Variants in ZFHX3 observed in about 807,000 individuals in gnomAD.
ZFHX3 encodes zinc finger homeobox protein 3.
ZFHX3 carries 42 observed loss-of-function variants against 279.1 expected under a neutral mutation model. That is an observed-to-expected ratio of 0.15 (90% confidence interval 0.12 to 0.19). The LOEUF is 0.19. Among genes scored for constraint, ZFHX3 ranks in the 10% least tolerant of loss-of-function variants. The pLI, the probability that ZFHX3 is intolerant of heterozygous loss-of-function variation, is 1.00. For synonymous variants in ZFHX3, 2,293 were observed against 1,957.8 expected, an observed-to-expected ratio of 1.17 and a Z score of -4.52; for missense variants, 4,981 against 4,754.0, an observed-to-expected ratio of 1.05 and a Z score of -1.40.
At chr16:72,815,272 G>C (rs2036573262) in intron 5 of ZFHX3, among the ~76,000 whole-genome samples, 1 of 152,116 alleles carries the variant, frequency 6.6e-6, no homozygotes, top group Admixed American at 6.5e-5. Context: ...GCCAGGCGTG[G>C]TGGCAAGTGC....
At chr16:72,822,073 T>C (rs147510017) in intron 5 of ZFHX3, 6 of 152,336 alleles carry the variant, frequency 3.9e-5, no homozygotes, top group South Asian at 2.1e-4. Flanking sequence ...TATTAACCCA[T>C]GGATTTAATG....
chr16:73,798,552 G>A (rs1900924472), intron 1 of ZFHX3, among the ~76,000 whole-genome samples: 1 of 150,286 alleles, frequency 6.7e-6, no homozygotes, highest in African/African-American at 2.5e-5. Flanking sequence ...CAAAGCTTCA[G>A]TGCAATCTAC....
chr16:73,075,887 C>T (rs1470136059), intron 8 of ZFHX3, among the ~76,000 whole-genome samples: 1 of 152,124 alleles, frequency 6.6e-6, no homozygotes. Flanking sequence ...GCCTCAGCCT[C>T]CCAAAGTGCT....
At chr16:73,790,976 T>C (rs915037798) in intron 1 of ZFHX3, among the ~76,000 whole-genome samples, 2 of 152,260 alleles carry the variant, frequency 1.3e-5, no homozygotes, top group South Asian at 2.1e-4. Flanking sequence ...TTTTTTGTTG[T>C]ATTTTAGAGA....
At chr16:73,787,393 C>T (rs939392668) in intron 1 of ZFHX3, among the ~76,000 whole-genome samples, 4 of 152,292 alleles carry the variant, frequency 2.6e-5, no homozygotes, top group Non-Finnish European at 2.9e-5. Context: ...CCTCAGCAAG[C>T]GGCCCCATGC....
chr16:72,930,225 T>C (rs1401996879), intron 3 of ZFHX3, among the ~76,000 whole-genome samples: 1 of 150,706 alleles, frequency 6.6e-6, no homozygotes, highest in Non-Finnish European at 1.5e-5. Flanking sequence ...TCTCAATAGA[T>C]AAATAAATAA....
intron 2 of ZFHX3, among the ~76,000 whole-genome samples, chr16:73,560,072 G>A (rs1457393830): frequency 6.6e-6 from 1 of 152,182 alleles, no homozygotes; most frequent in South Asian, 2.1e-4. Context: ...AAAAACCCCA[G>A]TGCCTGATGA....
At chr16:72,974,855 C>T (rs1233355592) in intron 1 of ZFHX3, among the ~76,000 whole-genome samples, 1 of 152,158 alleles carries the variant, frequency 6.6e-6, no homozygotes, top group Non-Finnish European at 1.5e-5. Flanking sequence ...AAGCTTCCAC[C>T]CAACTTCCTA....
intron 1 of ZFHX3, among the ~76,000 whole-genome samples, chr16:73,025,042 T>C (rs1195167756): frequency 6.6e-6 from 1 of 152,168 alleles, no homozygotes; most frequent in African/African-American, 2.4e-5. Context: ...GTATCCATTA[T>C]AAGGATCTAA....
At position 72,793,370 on chromosome 16, in the gene ZFHX3, G is replaced by A. The variant is rs780832168; in HGVS notation, c.9312C>T (p.Thr3104=). The A allele has an allele frequency of 1.2e-6, 2 of 1,614,188 alleles. No homozygotes were observed. Among genetic ancestry groups the A allele is most frequent in the South Asian group, 1.1e-5 (1 of 91,082 alleles). ...AAQQQGMFDN[T]PLQALNLPTA... is the part of the protein sequence containing the mutation. ...TAGGAAGGTTAAGGGCCTGAAGAGG[G>A]GTGTTGTCAAACATCCCTTGCTGCT... The change falls in exon 9 of 10, where the codon ACC becomes ACT. Residue 3104 remains threonine, a synonymous_variant. Coordinates refer to ENST00000268489, the MANE Select transcript of ZFHX3 (RefSeq NM_006885.4). This position sits in a 1 kb window ranked among gnomAD's most constrained non-coding sequence, Gnocchi z 4.3.
chr16:73,269,093 T>C (rs1458062976), intron 4 of ZFHX3, among the ~76,000 whole-genome samples: 1 of 152,252 alleles, frequency 6.6e-6, no homozygotes, highest in Non-Finnish European at 1.5e-5. Context: ...GGGCTTATTC[T>C]AAGAATATAC....
At chr16:73,687,011 A>AATATATATATATAT (rs58565282) in intron 1 of ZFHX3, among the ~76,000 whole-genome samples, 25 of 53,224 alleles carry the variant, frequency 4.7e-4, no homozygotes, top group South Asian at 7.2e-4. Flanking sequence ...TTTGCAGCTA[A>AATATATATATATAT]ATATATATAT....
At chr16:73,130,496 G>A (rs972446681) in intron 7 of ZFHX3, among the ~76,000 whole-genome samples, 2 of 152,258 alleles carry the variant, frequency 1.3e-5, no homozygotes, top group Non-Finnish European at 2.9e-5. Flanking sequence ...AGGACAAGGA[G>A]AGTGACACTG....
chr16:73,004,321 CTTTTTTTTTTTT>C (rs34987461), intron 1 of ZFHX3, among the ~76,000 whole-genome samples: 5 of 52,102 alleles, frequency 9.6e-5, no homozygotes, highest in Admixed American at 3.1e-4. Context: ...ATGCATCAAT[CTTTTTTTTTTTT>C]TTTTTTTTTT....
intron 4 of ZFHX3, among the ~76,000 whole-genome samples, chr16:73,317,295 G>A (rs1042759599): frequency 1.3e-5 from 2 of 151,426 alleles, no homozygotes; most frequent in Admixed American, 6.6e-5. Context: ...TGGGGGTGGC[G>A]GTGGTGGTGG....
intron 2 of ZFHX3, among the ~76,000 whole-genome samples, chr16:73,577,661 G>A (rs2051814691): frequency 6.6e-6 from 1 of 152,108 alleles, no homozygotes; most frequent in Admixed American, 6.5e-5. Flanking sequence ...TCAAGATCAG[G>A]GGACTGAAGG....
intron 4 of ZFHX3, among the ~76,000 whole-genome samples, chr16:72,853,579 T>A (rs1381072396): frequency 2.0e-5 from 3 of 152,246 alleles, no homozygotes; most frequent in Admixed American, 1.3e-4. Context: ...AAGTGTTTTT[T>A]AAGCAGAGTT....
chr16:73,445,721 C>A (rs1308859374), intron 3 of ZFHX3, among the ~76,000 whole-genome samples: 1 of 152,176 alleles, frequency 6.6e-6, no homozygotes, highest in Non-Finnish European at 1.5e-5. Context: ...AGAGCTTTGA[C>A]CTTCTGAGGC....
chr16:73,627,294 C>T (rs1597035135), intron 2 of ZFHX3, among the ~76,000 whole-genome samples: 1 of 152,164 alleles, frequency 6.6e-6, no homozygotes, highest in Non-Finnish European at 1.5e-5. Context: ...AAGAGGTTGG[C>T]AGCAGCCATA....
Sources: gnomAD v4.1 joint callset for allele counts (sites outside exome capture counted in the v4.1 genomes callset) on GRCh38, gnomAD v4.1.1 for gene constraint, Gnocchi (gnomAD v3.1) non-coding constraint, MANE v1.5 for transcripts, NCBI Gene and HGNC (gene_info 2026-07-23, HGNC 2026-07-21) for gene names.